The following ANKRD13C variants were observed in gnomAD, a reference collection of about 807,000 sequenced individuals.
ANKRD13C encodes the protein ankyrin repeat domain-containing protein 13C.
ANKRD13C carries 16 observed loss-of-function variants against 65.5 expected under a neutral mutation model. The ratio of observed to expected loss-of-function variants is 0.24; its 90% CI spans 0.17 to 0.37. The LOEUF (loss-of-function observed/expected upper bound fraction) is 0.37, where lower values mean the gene tolerates loss of function less well. Among genes scored for constraint, ANKRD13C ranks in the 10% least tolerant of loss-of-function variants. The pLI, the probability that ANKRD13C is intolerant of heterozygous loss-of-function variation, is 1.00. For synonymous variants in ANKRD13C, 235 were observed against 238.7 expected, an observed-to-expected ratio of 0.98 and a Z score of 0.14; for missense variants, 503 against 655.9, an observed-to-expected ratio of 0.77 and a Z score of 2.55.
chr1:70,310,923 C>CA (rs1680819740), intron 5 of ANKRD13C, among the ~76,000 whole-genome samples: 2 of 152,122 alleles, frequency 1.3e-5, no homozygotes, highest in Admixed American at 1.3e-4. Context: ...TGTTCTAGGA[C>CA]ACCAGGACTC....
chr1:70,297,853 C>T (rs1037262383), intron 7 of ANKRD13C, among the ~76,000 whole-genome samples: 14 of 147,866 alleles, frequency 9.5e-5, no homozygotes, highest in African/African-American at 3.0e-4. Context: ...GTGGAGGTTG[C>T]GGTGAGCTGA....
intron 8 of ANKRD13C, among the ~76,000 whole-genome samples, chr1:70,294,554 A>C (rs1300070490): frequency 1.3e-5 from 2 of 150,956 alleles, no homozygotes; most frequent in African/African-American, 4.9e-5. Context: ...GTTTCCAGGA[A>C]AAAAAAAAGC....
At chr1:70,274,192 G>A (rs999508453) in intron 11 of ANKRD13C, among the ~76,000 whole-genome samples, 1 of 151,098 alleles carries the variant, frequency 6.6e-6, no homozygotes, top group African/African-American at 2.4e-5. Context: ...AAACCTACTC[G>A]GCTGGGCGTG....
intron 2 of ANKRD13C, among the ~76,000 whole-genome samples, chr1:70,329,972 C>A (rs1681711964): frequency 6.6e-6 from 1 of 151,796 alleles, no homozygotes. Context: ...CACCTGCAAT[C>A]CCAGCTACTC....
At chr1:70,318,461 G>A (rs952812847) in intron 3 of ANKRD13C, among the ~76,000 whole-genome samples, 1 of 151,910 alleles carries the variant, frequency 6.6e-6, no homozygotes, top group African/African-American at 2.4e-5. Flanking sequence ...TCTATTTCCT[G>A]CTTCCCACCT....
At chr1:70,287,926 G>A (rs1333944951) in intron 9 of ANKRD13C, among the ~76,000 whole-genome samples, 1 of 152,198 alleles carries the variant, frequency 6.6e-6, no homozygotes, top group Non-Finnish European at 1.5e-5. Context: ...AGACTGAGTG[G>A]GAGGATTATT....
intron 9 of ANKRD13C, among the ~76,000 whole-genome samples, chr1:70,278,663 G>A (rs574881079): frequency 6.6e-6 from 1 of 152,196 alleles, no homozygotes; most frequent in African/African-American, 2.4e-5. Flanking sequence ...AACATTGAGA[G>A]GGTCTCATTC....
intron 7 of ANKRD13C, among the ~76,000 whole-genome samples, chr1:70,300,298 T>C (rs925925319): frequency 1.3e-5 from 2 of 151,860 alleles, no homozygotes; most frequent in African/African-American, 4.8e-5. Context: ...ATATAAAAAA[T>C]GAAAATAGGC....
At chr1:70,314,754 A>G (rs1183458906) in intron 4 of ANKRD13C, among the ~76,000 whole-genome samples, 2 of 151,364 alleles carry the variant, frequency 1.3e-5, no homozygotes, top group Non-Finnish European at 2.9e-5. Flanking sequence ...AAAAAAAAAA[A>G]GCACCATTAA....
intron 12 of ANKRD13C, among the ~76,000 whole-genome samples, chr1:70,267,454 C>T (rs1028341167): frequency 6.6e-6 from 1 of 152,020 alleles, no homozygotes; most frequent in Non-Finnish European, 1.5e-5. Flanking sequence ...ACTGCAACTT[C>T]CGTCAGCCTC....
rs1033730954 is a variant in ANKRD13C at position 70,329,452 on chromosome 1, T to C, written c.473-4495A>G. Among the ~76,000 whole-genome samples the C allele has an allele frequency of 3.3e-5, 5 of 150,126 alleles. 1 individual carries two copies. The highest frequency in any genetic ancestry group is 3.3e-4 in the Admixed American group (5 of 15,052). On this transcript the variant is annotated intron_variant, in intron 2 of 12. Coordinates refer to ENST00000370944, the MANE Select transcript of ANKRD13C (RefSeq NM_030816.5). The stretch of plus-strand genomic sequence containing the variant: ...AGGAGAATCACTTGAACCCAGGAGG[T>C]GGAGGTTGTGATGAGCCAAGATTGC...
At chr1:70,351,090 G>A (rs1409894287) in intron 1 of ANKRD13C, among the ~76,000 whole-genome samples, 2 of 152,216 alleles carry the variant, frequency 1.3e-5, no homozygotes, top group Non-Finnish European at 2.9e-5. Context: ...GAACCCGGGA[G>A]GCAGAGACTA....
intron 3 of ANKRD13C, among the ~76,000 whole-genome samples, chr1:70,318,596 A>G (rs1681166482): frequency 6.6e-6 from 1 of 152,000 alleles, no homozygotes; most frequent in Non-Finnish European, 1.5e-5. Flanking sequence ...CCATCAATCC[A>G]TAATAGAGAC....
At chr1:70,295,371 C>A (rs1242652090) in intron 8 of ANKRD13C, among the ~76,000 whole-genome samples, 1 of 152,014 alleles carries the variant, frequency 6.6e-6, no homozygotes, top group Non-Finnish European at 1.5e-5. Context: ...CCTCAGCCTT[C>A]CGAGTAGCTG....
At chr1:70,351,601 T>C (rs1456254348) in intron 1 of ANKRD13C, among the ~76,000 whole-genome samples, 1 of 152,136 alleles carries the variant, frequency 6.6e-6, no homozygotes, top group Non-Finnish European at 1.5e-5. Context: ...GGTTTCACTA[T>C]GTTGGTCAGG....
chr1:70,277,549 T>G (rs1679196241), intron 9 of ANKRD13C, among the ~76,000 whole-genome samples: 1 of 146,198 alleles, frequency 6.8e-6, no homozygotes, highest in Admixed American at 6.8e-5. Flanking sequence ...ACCAGAAATA[T>G]AAAAGAGCAT....
intron 3 of ANKRD13C, among the ~76,000 whole-genome samples, chr1:70,316,925 C>G (rs1306280747): frequency 6.6e-6 from 1 of 152,074 alleles, no homozygotes; most frequent in Non-Finnish European, 1.5e-5. Context: ...CATATGCGTT[C>G]TGAGGGCTTT....
In ANKRD13C at chr1:70,315,143, A is replaced by C. The variant is rs114489810; in HGVS notation, c.663+338T>G. Reference sequence around the variant, plus strand: ...TCTCCAAAACAAACAAACAAAAAAAACTGCCACTTCTAGTAGCAATGGCTT... The same window carrying C: ...TCTCCAAAACAAACAAACAAAAAAACCTGCCACTTCTAGTAGCAATGGCTT... On this transcript the variant is annotated intron_variant, in intron 4 of 12. Transcript: ENST00000370944. Among the ~76,000 whole-genome samples, 147 of 152,272 alleles carry C rather than the reference A, an allele frequency of 9.7e-4. 1 individual carries two copies. The highest frequency in any genetic ancestry group is 1.7e-3 in the East Asian group (9 of 5,184).
chr1:70,326,179 C>T (rs539310144), intron 2 of ANKRD13C, among the ~76,000 whole-genome samples: 3 of 126,628 alleles, frequency 2.4e-5, no homozygotes, highest in Non-Finnish European at 3.1e-5. Context: ...TGCAGTGAGC[C>T]GAGATTGCGC....
Sources: allele counts gnomAD v4.1 joint callset (sites outside exome capture counted in the v4.1 genomes callset), GRCh38; gene constraint gnomAD v4.1.1; transcripts MANE v1.5; gene names NCBI Gene and HGNC (gene_info 2026-07-23, HGNC 2026-07-21).